ATP8B4: variants seen among roughly 807,000 people sequenced by gnomAD.
The protein encoded by ATP8B4 is probable phospholipid-transporting ATPase IM.
A neutral mutation model predicts 145.6 loss-of-function variants in ATP8B4; 133 were observed. That is an observed-to-expected ratio of 0.91 (90% CI 0.79 to 1.05). ATP8B4 has a LOEUF of 1.05. Ranked by LOEUF, ATP8B4 falls within the 50% of genes least tolerant of loss-of-function variation. The pLI is 0.00. For synonymous variants in ATP8B4, 507 were observed against 492.9 expected, an observed-to-expected ratio of 1.03 and a Z score of -0.38; for missense variants, 1,458 against 1,425.2, an observed-to-expected ratio of 1.02 and a Z score of -0.37.
intron 12 of ATP8B4, among the ~76,000 whole-genome samples, chr15:49,978,778 ACACACACATG>A (rs2045898516): frequency 7.0e-6 from 1 of 143,654 alleles, no homozygotes. Flanking sequence ...ACACACACAC[ACACACACATG>A]CATACATATG....
At chr15:50,156,958 A>G (rs1169105928) in intron 1 of ATP8B4, among the ~76,000 whole-genome samples, 1 of 152,210 alleles carries the variant, frequency 6.6e-6, no homozygotes, top group African/African-American at 2.4e-5. Flanking sequence ...TGCTCTTGAA[A>G]GATTTTTAGA....
intron 11 of ATP8B4, among the ~76,000 whole-genome samples, chr15:49,980,835 C>T (rs894392252): frequency 1.3e-5 from 2 of 152,204 alleles, no homozygotes; most frequent in South Asian, 2.1e-4. Flanking sequence ...AGATCACACA[C>T]CCGTGAAGCC....
At chr15:49,954,558 G>A (rs748944238) in intron 14 of ATP8B4, among the ~76,000 whole-genome samples, 13 of 151,876 alleles carry the variant, frequency 8.6e-5, no homozygotes, top group East Asian at 1.9e-4. Flanking sequence ...ACATACAGGC[G>A]GCAAACATGA....
At chr15:50,116,797 T>A (rs75800597) in intron 1 of ATP8B4, among the ~76,000 whole-genome samples, 15,646 of 151,816 alleles carry the variant, frequency 0.1, 1,041 homozygotes, top group Middle Eastern at 0.15. Context: ...TCCAGTTGAG[T>A]AAATAAAAGG....
chr15:49,961,236 A>G (rs2044046476), intron 14 of ATP8B4, among the ~76,000 whole-genome samples: 1 of 152,208 alleles, frequency 6.6e-6, no homozygotes, highest in Admixed American at 6.5e-5. Flanking sequence ...TTAAAATTAG[A>G]ACCAATATTG....
chr15:50,075,445 C>T (rs1353976706), intron 2 of ATP8B4, among the ~76,000 whole-genome samples: 1 of 152,162 alleles, frequency 6.6e-6, no homozygotes, highest in Non-Finnish European at 1.5e-5. Context: ...CTGCTCCTGA[C>T]AAATGACACT....
At chr15:49,997,060 G>T (rs1224186620) in intron 8 of ATP8B4, among the ~76,000 whole-genome samples, 1 of 152,030 alleles carries the variant, frequency 6.6e-6, no homozygotes, top group Non-Finnish European at 1.5e-5. Context: ...CAGACATCAC[G>T]CATGAGTTAC....
intron 3 of ATP8B4, among the ~76,000 whole-genome samples, chr15:50,054,939 G>A (rs1376519526): frequency 6.6e-6 from 1 of 151,926 alleles, no homozygotes; most frequent in Non-Finnish European, 1.5e-5. Context: ...TCACGAACTG[G>A]ATAGATTCAT....
intron 12 of ATP8B4, among the ~76,000 whole-genome samples, chr15:49,974,553 T>C (rs2045503286): frequency 6.6e-6 from 1 of 152,110 alleles, no homozygotes; most frequent in South Asian, 2.1e-4. Context: ...TTTCCAGTTT[T>C]TCAATATGAG....
chr15:49,922,978 A>G (rs879553400), intron 17 of ATP8B4, among the ~76,000 whole-genome samples: 1 of 152,188 alleles, frequency 6.6e-6, no homozygotes, highest in Non-Finnish European at 1.5e-5. Context: ...CCCTAGAGGT[A>G]ATCATAAGAT....
intron 1 of ATP8B4, among the ~76,000 whole-genome samples, chr15:50,138,326 GTAGATAGA>G (rs71124324): frequency 0.099 from 14,738 of 148,138 alleles, 879 homozygotes; most frequent in Non-Finnish European, 0.13. Context: ...AGATAGATAG[GTAGATAGA>G]TAGATAGATA....
In ATP8B4 at chr15:49,898,192, C is replaced by T; in HGVS notation, c.2349G>A (p.Lys783=). ...NDLLELACMC[K]TVICCRVTPL... is the part of the protein sequence containing the mutation. ...GAGTGACCCTGCAGCAAATTACAGTCTTACACATGCAAGCAAGTTCTAGGA... is the reference window on the plus strand; with the variant it reads ...GAGTGACCCTGCAGCAAATTACAGTTTTACACATGCAAGCAAGTTCTAGGA... The change falls in exon 22 of 28, where the codon AAG becomes AAA. Residue 783 remains lysine, a synonymous_variant. Transcript: ENST00000284509. 1.2e-6 allele frequency: 2 copies of T among 1,613,880 alleles called. No individual in the cohort carries two copies. The highest frequency in any genetic ancestry group is 1.3e-5 in the African/African-American group (1 of 75,022).
At chr15:49,913,780 G>A (rs954852828) in intron 20 of ATP8B4, among the ~76,000 whole-genome samples, 1 of 152,020 alleles carries the variant, frequency 6.6e-6, no homozygotes, top group African/African-American at 2.4e-5. Context: ...TACAATAGCT[G>A]TAAAAAAATA....
intron 19 of ATP8B4, 103 bp from the exon 20 acceptor site, chr15:49,917,142 CA>C: frequency 1.9e-6 from 2 of 1,076,814 alleles, no homozygotes; most frequent in South Asian, 1.4e-5. Flanking sequence ...TTAAAGCCTA[CA>C]GGGGGCTGAT....
intron 10 of ATP8B4, among the ~76,000 whole-genome samples, chr15:49,986,919 C>G (rs2046656163): frequency 8.8e-6 from 1 of 113,662 alleles, no homozygotes; most frequent in East Asian, 3.1e-4. Context: ...TATTTACAAA[C>G]AGTGGAAAAA....
At chr15:50,065,920 A>G (rs1437055519) in intron 3 of ATP8B4, among the ~76,000 whole-genome samples, 1 of 151,988 alleles carries the variant, frequency 6.6e-6, no homozygotes, top group African/African-American at 2.4e-5. Flanking sequence ...ATAACAAACA[A>G]ATACCTCAGA....
chr15:49,993,948 A>G (rs1267358385), intron 9 of ATP8B4, among the ~76,000 whole-genome samples: 1 of 152,190 alleles, frequency 6.6e-6, no homozygotes, highest in African/African-American at 2.4e-5. Context: ...CCCATTCTGT[A>G]TGAAGCAAAT....
intron 25 of ATP8B4, among the ~76,000 whole-genome samples, chr15:49,872,362 C>T (rs964893131): frequency 6.6e-6 from 1 of 152,086 alleles, no homozygotes; most frequent in Non-Finnish European, 1.5e-5. Context: ...CTTTGATACT[C>T]CTTCCTCTAG....
intron 3 of ATP8B4, among the ~76,000 whole-genome samples, chr15:50,072,914 T>C (rs144263468): frequency 2.5e-5 from 3 of 121,132 alleles, no homozygotes; most frequent in African/African-American, 9.5e-5. Context: ...TGAGTCACTG[T>C]GCCCGGCCTC....
Sources: gnomAD v4.1 joint callset for allele counts (sites outside exome capture counted in the v4.1 genomes callset) on GRCh38, gnomAD v4.1.1 for gene constraint, MANE v1.5 for transcripts, NCBI Gene and HGNC (gene_info 2026-07-23, HGNC 2026-07-21) for gene names.